MTRFR: variants seen among roughly 807,000 people sequenced by gnomAD.
MTRFR encodes mitochondrial translation release factor in rescue.
Under a neutral mutation model 11.9 loss-of-function variants are expected in MTRFR, and 10 were observed. That is an observed-to-expected ratio of 0.84 (90% CI 0.52 to 1.42). MTRFR has a LOEUF of 1.42. Ranked by LOEUF, MTRFR falls within the 40% of genes most tolerant of loss-of-function variation. MTRFR has a pLI of 0.00. For missense variants in MTRFR, 196 were observed against 197.9 expected, an observed-to-expected ratio of 0.99 and a Z score of 0.06; for synonymous variants, 77 against 79.1, an observed-to-expected ratio of 0.97 and a Z score of 0.14.
chr12:123,249,822 C>T (rs548426273), intron 1 of MTRFR: 1 of 152,408 alleles, frequency 6.6e-6, no homozygotes, highest in East Asian at 1.9e-4. Flanking sequence ...ACATTGTCAC[C>T]TCTCATTTGG....
intron 1 of MTRFR, among the ~76,000 whole-genome samples, chr12:123,246,480 TTTTG>T (rs2048042068): frequency 7.1e-6 from 1 of 140,990 alleles, no homozygotes; most frequent in Non-Finnish European, 1.6e-5. Context: ...TGAAACGGAG[TTTTG>T]TTCTTGTGCC....
chr12:123,255,547 C>G (rs2048174135), intron 2 of MTRFR, among the ~76,000 whole-genome samples: 1 of 152,068 alleles, frequency 6.6e-6, no homozygotes, highest in Non-Finnish European at 1.5e-5. Context: ...GCCTCAAACA[C>G]CTGGGCTCAA....
chr12:123,251,684 T>TG (rs1392616236), intron 1 of MTRFR: 1 of 162,302 alleles, frequency 6.2e-6, no homozygotes, highest in Admixed American at 6.5e-5. Context: ...TCACAGTATT[T>TG]GGGGGTCTCC....
At chr12:123,245,988 CAG>C (rs1448532051) in intron 1 of MTRFR, among the ~76,000 whole-genome samples, 1 of 152,090 alleles carries the variant, frequency 6.6e-6, no homozygotes, top group Non-Finnish European at 1.5e-5. Context: ...TTCCAATTCT[CAG>C]GGGGAACAGT....
chr12:123,240,134 C>T (rs1476885804), intron 1 of MTRFR, among the ~76,000 whole-genome samples: 3 of 150,144 alleles, frequency 2.0e-5, no homozygotes. Flanking sequence ...GAGGCTGAGG[C>T]TTGTGGATCA....
chr12:123,253,488 G>C, intron 1 of MTRFR, 159 bp from the exon 2 acceptor site: 1 of 682,214 alleles, frequency 1.5e-6, no homozygotes, highest in Non-Finnish European at 2.5e-6. Flanking sequence ...GGAGAGGGGC[G>C]TCTTGCTGAA....
chr12:123,234,344 T>C (rs1246127232), intron 1 of MTRFR, among the ~76,000 whole-genome samples: 1 of 151,904 alleles, frequency 6.6e-6, no homozygotes, highest in African/African-American at 2.4e-5. Flanking sequence ...TTACATCTCA[T>C]TGGAGCTTCC....
At chr12:123,255,710 C>T (rs566787291) in intron 2 of MTRFR, among the ~76,000 whole-genome samples, 1 of 152,094 alleles carries the variant, frequency 6.6e-6, no homozygotes, top group Admixed American at 6.6e-5. Context: ...CTGCAACGTC[C>T]GCCTCCTGGG....
chr12:123,241,369 C>CT (rs929517843), intron 1 of MTRFR, among the ~76,000 whole-genome samples: 22 of 152,058 alleles, frequency 1.4e-4, no homozygotes, highest in African/African-American at 5.3e-4. Context: ...CTCGCTCCTT[C>CT]AGTCTTCGCC....
chr12:123,256,502 C>T (rs991527192), intron 2 of MTRFR, among the ~76,000 whole-genome samples: 10 of 152,170 alleles, frequency 6.6e-5, no homozygotes, highest in African/African-American at 2.2e-4. Context: ...TCCTGACCAG[C>T]CTGGCCAACA....
chr12:123,254,845 G>C (rs900524635), intron 2 of MTRFR: 5 of 151,906 alleles, frequency 3.3e-5, no homozygotes, highest in Non-Finnish European at 7.3e-5. Flanking sequence ...TAAGGCAGGA[G>C]AATCGCTTGA....
intron 1 of MTRFR, among the ~76,000 whole-genome samples, chr12:123,241,603 G>C (rs1443501718): frequency 6.6e-6 from 1 of 152,122 alleles, no homozygotes; most frequent in Non-Finnish European, 1.5e-5. Context: ...GCCTCCCAAA[G>C]TGCTGGGATT....
In MTRFR at chr12:123,257,229, T is replaced by A. The variant is rs1969354; in HGVS notation, c.*198T>A. On this transcript the variant is annotated 3_prime_UTR_variant, in exon 3 of 3. Transcript: ENST00000253233. Reference sequence around the variant, plus strand: ...GCACGATTCAAGAATAAAACTCGGCTGGGCACGGTGGACGGTGCCTCACAT... The same window carrying A: ...GCACGATTCAAGAATAAAACTCGGCAGGGCACGGTGGACGGTGCCTCACAT... The A allele has an allele frequency of 1.7e-6, 1 of 580,642 alleles. No homozygotes were observed. 36.0% of individuals were successfully genotyped at this position (580,642 alleles called of 1,614,324 possible). A position where few individuals can be genotyped will look rare whatever the true frequency, so the allele number is the denominator to read the frequency against.
At chr12:123,237,705 G>A (rs775375475) in intron 1 of MTRFR, among the ~76,000 whole-genome samples, 23 of 152,056 alleles carry the variant, frequency 1.5e-4, no homozygotes, top group Non-Finnish European at 2.4e-4. Flanking sequence ...TATCTTCAGC[G>A]TAAAACCCCA....
intron 1 of MTRFR, among the ~76,000 whole-genome samples, chr12:123,251,849 C>T (rs2048116329): frequency 6.6e-6 from 1 of 152,222 alleles, no homozygotes; most frequent in Non-Finnish European, 1.5e-5. Context: ...TGCCTCCTGT[C>T]TGCTATGATC....
At chr12:123,245,702 C>T (rs1316321632) in intron 1 of MTRFR, among the ~76,000 whole-genome samples, 1 of 152,076 alleles carries the variant, frequency 6.6e-6, no homozygotes, top group Non-Finnish European at 1.5e-5. Flanking sequence ...TTTGATTCTC[C>T]ACTTGGTCGC....
chr12:123,236,171 G>A (rs2047847313), intron 1 of MTRFR, among the ~76,000 whole-genome samples: 1 of 152,114 alleles, frequency 6.6e-6, no homozygotes, highest in African/African-American at 2.4e-5. Flanking sequence ...AATGAAACAA[G>A]GTGTAGAAAG....
intron 1 of MTRFR, among the ~76,000 whole-genome samples, chr12:123,245,318 G>A (rs142706964): frequency 2.6e-5 from 4 of 152,230 alleles, no homozygotes; most frequent in Non-Finnish European, 5.9e-5. Flanking sequence ...GTAATATGAT[G>A]CCTCCAGATT....
chr12:123,240,785 G>T (rs2047922615), intron 1 of MTRFR: 1 of 142,322 alleles, frequency 7.0e-6, no homozygotes, highest in African/African-American at 2.7e-5. Flanking sequence ...CCAGGCTGGA[G>T]TGCAGTGGCG....
Sources: allele counts gnomAD v4.1 joint callset (sites outside exome capture counted in the v4.1 genomes callset), GRCh38; gene constraint gnomAD v4.1.1; transcripts MANE v1.5; gene names NCBI Gene and HGNC (gene_info 2026-07-23, HGNC 2026-07-21).